Variants in KIAA1217 observed in about 807,000 individuals in gnomAD.
KIAA1217 encodes the protein sickle tail protein homolog.
A neutral mutation model predicts 163.9 loss-of-function variants in KIAA1217; 88 were observed. The observed-to-expected ratio is 0.54, with a 90% CI of 0.45 to 0.64. The LOEUF is 0.64. Ranked by LOEUF, KIAA1217 falls within the 30% of genes least tolerant of loss-of-function variation. KIAA1217 has a pLI of 0.00. For missense variants in KIAA1217, 2,372 were observed against 2,475.0 expected, an observed-to-expected ratio of 0.96 and a Z score of 0.88; for synonymous variants, 903 against 923.1, an observed-to-expected ratio of 0.98 and a Z score of 0.39.
intron 1 of KIAA1217, among the ~76,000 whole-genome samples, chr10:23,790,110 T>C (rs1337001734): frequency 6.5e-5 from 6 of 92,664 alleles, no homozygotes; most frequent in African/African-American, 1.6e-4. Flanking sequence ...TATACACATA[T>C]GCATATACAC....
intron 3 of KIAA1217, among the ~76,000 whole-genome samples, chr10:24,423,674 G>T (rs946081693): frequency 2.6e-5 from 4 of 152,200 alleles, no homozygotes; most frequent in South Asian, 2.1e-4. Flanking sequence ...TGGCCAGGAT[G>T]GTCTCAATCT....
At chr10:24,497,924 C>T (rs958086579) in intron 8 of KIAA1217, among the ~76,000 whole-genome samples, 1 of 151,988 alleles carries the variant, frequency 6.6e-6, no homozygotes, top group Non-Finnish European at 1.5e-5. Flanking sequence ...TCCGACTTCT[C>T]CACTATACAA....
intron 1 of KIAA1217, among the ~76,000 whole-genome samples, chr10:23,696,955 G>A (rs1385906183): frequency 2.0e-5 from 3 of 152,196 alleles, no homozygotes; most frequent in Non-Finnish European, 4.4e-5. Flanking sequence ...GTCAAGAAGA[G>A]ACTGAAATAA....
At chr10:24,340,251 A>G (rs1249370675) in intron 2 of KIAA1217, among the ~76,000 whole-genome samples, 1 of 152,120 alleles carries the variant, frequency 6.6e-6, no homozygotes, top group African/African-American at 2.4e-5. Context: ...TGTAGCTCCC[A>G]CAGTTCCCAT....
Position 24,543,986 on chromosome 10 carries a change from G to A in KIAA1217, c.4716G>A (p.Lys1572=). The change falls in exon 19 of 21, where the codon AAG becomes AAA. Residue 1572 remains lysine, a synonymous_variant. Transcript: ENST00000376454. The part of the protein sequence containing the change: ...TDDQFESPKK[K]FKFKFPKKQL... ...ACCAGTTTGAAAGCCCCAAGAAAAA[G>A]TTTAAATTCAAATTCCCTAAGAAGC... The A allele has an allele frequency of 1.2e-6, 2 of 1,614,082 alleles. No homozygotes were observed. The highest frequency in any genetic ancestry group is 1.7e-6 in the Non-Finnish European group (2 of 1,180,020).
chr10:24,196,136 A>AACACACACACACACACAC (rs66954103), intron 2 of KIAA1217, among the ~76,000 whole-genome samples: 13 of 144,236 alleles, frequency 9.0e-5, no homozygotes, highest in African/African-American at 3.4e-4. Context: ...CCTGTCTCAA[A>AACACACACACACACACAC]ACACACACAC....
chr10:24,089,577 G>C (rs1307688051), intron 2 of KIAA1217, among the ~76,000 whole-genome samples: 3 of 151,474 alleles, frequency 2.0e-5, no homozygotes, highest in East Asian at 1.9e-4. Flanking sequence ...GCTTGTTTTT[G>C]TCAGGTTTGT....
Position 23,835,215 on chromosome 10 carries a change from T to TA in KIAA1217, c.-321+139982dup, listed in dbSNP as rs201188778. ...ATAAGTCAGTGAACTAGAGAAGAAC[T>TA]AGGAAGGAGTGTCATTCAGGAACCC... On this transcript the variant is annotated intron_variant, in intron 1 of 18. Transcript: ENST00000376462. 5.2e-3 allele frequency among the ~76,000 whole-genome samples: 792 copies of TA among 152,140 alleles called. 11 individuals carry two copies. Among genetic ancestry groups the TA allele is most frequent in the African/African-American group, 0.017 (715 of 41,486 alleles).
At chr10:23,882,864 G>A (rs1021926034) in intron 1 of KIAA1217, among the ~76,000 whole-genome samples, 2 of 151,920 alleles carry the variant, frequency 1.3e-5, no homozygotes, top group African/African-American at 4.8e-5. Flanking sequence ...AATGGAAAAT[G>A]TGGTTAATGC....
chr10:23,840,513 G>A (rs1043584016), intron 1 of KIAA1217, among the ~76,000 whole-genome samples: 2 of 152,100 alleles, frequency 1.3e-5, no homozygotes, highest in Admixed American at 1.3e-4. Flanking sequence ...AGAAAAGGGT[G>A]ACTATAACAC....
intron 1 of KIAA1217, among the ~76,000 whole-genome samples, chr10:23,738,234 A>G (rs1253365818): frequency 6.6e-6 from 1 of 152,122 alleles, no homozygotes; most frequent in Non-Finnish European, 1.5e-5. Context: ...ATTTCTGCTC[A>G]TTAAGTTTCT....
chr10:24,542,849 G>A (rs779024622), intron 18 of KIAA1217, 34 bp from the exon 19 acceptor site: 49 of 1,610,084 alleles, frequency 3.0e-5, no homozygotes, highest in Non-Finnish European at 3.7e-5. Context: ...GCTGATTAAC[G>A]TGTGTGGTTT....
intron 2 of KIAA1217, among the ~76,000 whole-genome samples, chr10:24,247,761 A>C (rs985814764): frequency 6.6e-6 from 1 of 152,178 alleles, no homozygotes; most frequent in African/African-American, 2.4e-5. Context: ...AGATTGCGCC[A>C]CTGCCCTCCA....
chr10:23,937,677 T>G (rs141675302), intron 1 of KIAA1217, among the ~76,000 whole-genome samples: 5 of 152,296 alleles, frequency 3.3e-5, no homozygotes, highest in African/African-American at 1.2e-4. Flanking sequence ...TTAACTTAAT[T>G]TGGCATCATC....
chr10:24,176,965 C>T (rs747354701), intron 2 of KIAA1217, among the ~76,000 whole-genome samples: 11 of 152,134 alleles, frequency 7.2e-5, no homozygotes, highest in Admixed American at 3.9e-4. Flanking sequence ...GTTGCTGGCC[C>T]GGGTGCTAAG....
intron 2 of KIAA1217, among the ~76,000 whole-genome samples, chr10:24,333,691 T>C (rs1175751347): frequency 6.6e-6 from 1 of 152,200 alleles, no homozygotes; most frequent in African/African-American, 2.4e-5. Flanking sequence ...CAAAGCACGT[T>C]GTTTTAAGCT....
intron 1 of KIAA1217, among the ~76,000 whole-genome samples, chr10:23,966,745 C>T (rs1019930433): frequency 6.6e-6 from 1 of 152,106 alleles, no homozygotes; most frequent in African/African-American, 2.4e-5. Context: ...TGGTGAAGGC[C>T]TCTGTAACCA....
At chr10:24,496,856 A>C (rs980068740) in intron 8 of KIAA1217, among the ~76,000 whole-genome samples, 1 of 152,228 alleles carries the variant, frequency 6.6e-6, no homozygotes, top group Non-Finnish European at 1.5e-5. Flanking sequence ...GAAAGGAGCC[A>C]GTGTCATTTC....
intron 1 of KIAA1217, among the ~76,000 whole-genome samples, chr10:23,845,096 C>T (rs12245063): frequency 0.013 from 1,981 of 152,254 alleles, 62 homozygotes; most frequent in African/African-American, 0.045. Flanking sequence ...CGTAGTATTC[C>T]GTGGTATATA....
Sources: allele counts gnomAD v4.1 joint callset (sites outside exome capture counted in the v4.1 genomes callset), GRCh38; gene constraint gnomAD v4.1.1; transcripts MANE v1.5; gene names NCBI Gene and HGNC (gene_info 2026-07-23, HGNC 2026-07-21).